The following ZNF469 variants were observed in gnomAD, a reference collection of about 807,000 sequenced individuals.
ZNF469 encodes the protein zinc finger protein 469.
In ZNF469, 1 loss-of-function variant was observed where a neutral mutation model predicts 1.0. The ratio of observed to expected loss-of-function variants is 1.00; its 90% CI spans 0.35 to 4.73. The LOEUF (loss-of-function observed/expected upper bound fraction) is 4.73, where lower values mean the gene tolerates loss of function less well. Among genes scored for constraint, ZNF469 ranks in the 30% most tolerant of loss-of-function variants. The pLI, the probability that ZNF469 is intolerant of heterozygous loss-of-function variation, is 0.16. For missense variants in ZNF469, 6,100 were observed against 5,356.3 expected, an observed-to-expected ratio of 1.14 and a Z score of -4.33; for synonymous variants, 2,703 against 2,363.4, an observed-to-expected ratio of 1.14 and a Z score of -4.17.
In ZNF469 at chr16:88,438,246, G is replaced by C; in HGVS notation, c.10776G>C (p.Gln3592His). Reference protein sequence around the residue: ...ASPGSPGPLLQQALPLGASLP... With the variant: ...ASPGSPGPLLHQALPLGASLP... Reference sequence around the variant, plus strand: ...CAGGCAGCCCCGGGCCTCTTCTCCAGCAAGCTCTCCCTCTGGGGGCATCTC... The same window carrying C: ...CAGGCAGCCCCGGGCCTCTTCTCCACCAAGCTCTCCCTCTGGGGGCATCTC... Residue 3592 changes from glutamine (Q) to histidine (H), a missense_variant, in exon 3 of 3, where the codon CAG (glutamine) becomes CAC (histidine). Physicochemically the swap from Gln to His is conservative, Grantham distance 24. Coordinates refer to ENST00000565624, the MANE Select transcript of ZNF469 (RefSeq NM_001367624.2). 1 of 1,547,718 alleles carries C rather than the reference G, an allele frequency of 6.5e-7. No homozygotes were observed.
chr16:88,303,899 G>T, the ZNF469 span, among the ~76,000 whole-genome samples: 2 of 152,154 alleles, frequency 1.3e-5, no homozygotes, highest in African/African-American at 4.8e-5. Context: ...CACACACTCA[G>T]TGCCACTCAC....
intron 1 of ZNF469, among the ~76,000 whole-genome samples, chr16:88,399,082 G>A (rs760896126): frequency 1.3e-5 from 2 of 152,246 alleles, no homozygotes; most frequent in African/African-American, 2.4e-5. Flanking sequence ...CCCCTGTTCC[G>A]AGAGTATGAT....
the ZNF469 span, among the ~76,000 whole-genome samples, chr16:88,371,971 ACCACCATCATCACCATCAC>A: frequency 7.4e-6 from 1 of 134,568 alleles, no homozygotes; most frequent in African/African-American, 2.9e-5. Flanking sequence ...CATCACCATC[ACCACCATCATCACCATCAC>A]CATCACCATC....
chr16:88,232,860 C>T, the ZNF469 span, among the ~76,000 whole-genome samples: 1 of 152,252 alleles, frequency 6.6e-6, no homozygotes, highest in Non-Finnish European at 1.5e-5. Flanking sequence ...GGGTTCTGGG[C>T]ACGTCGCATA....
chr16:88,116,379 C>A, the ZNF469 span, among the ~76,000 whole-genome samples: 1 of 152,214 alleles, frequency 6.6e-6, no homozygotes, highest in African/African-American at 2.4e-5. Flanking sequence ...GCAGTGTAGA[C>A]ACAGGACCTG....
At chr16:88,419,939 G>A (rs1048421838) in intron 1 of ZNF469, among the ~76,000 whole-genome samples, 2 of 152,258 alleles carry the variant, frequency 1.3e-5, no homozygotes, top group Admixed American at 6.5e-5. Flanking sequence ...GAGAGGGGTG[G>A]AGGCCGGCCT....
chr16:88,426,420 A>G (rs1404266149), intron 2 of ZNF469, among the ~76,000 whole-genome samples: 2 of 152,272 alleles, frequency 1.3e-5, no homozygotes, highest in Non-Finnish European at 2.9e-5. Flanking sequence ...GCCACAGCCA[A>G]TGGCTCGGGT....
At chr16:88,190,549 G>T in the ZNF469 span, among the ~76,000 whole-genome samples, 1 of 152,180 alleles carries the variant, frequency 6.6e-6, no homozygotes, top group East Asian at 1.9e-4. Flanking sequence ...ACACAGCCAC[G>T]TCCTCACAAT....
intron 1 of ZNF469, among the ~76,000 whole-genome samples, chr16:88,415,893 G>A (rs1905289524): frequency 6.6e-6 from 1 of 152,234 alleles, no homozygotes; most frequent in East Asian, 1.9e-4. Context: ...TCCTCAAGCT[G>A]GGGCGGCAGG....
chr16:88,394,447 G>T (rs921216663), intron 1 of ZNF469, among the ~76,000 whole-genome samples: 1 of 152,232 alleles, frequency 6.6e-6, no homozygotes, highest in African/African-American at 2.4e-5. Context: ...GTTAACATGT[G>T]GTCTGGATTT....
the ZNF469 span, among the ~76,000 whole-genome samples, chr16:88,126,277 C>T: frequency 1.2e-4 from 18 of 146,702 alleles, no homozygotes; most frequent in South Asian, 2.2e-3. Context: ...ATTTCTTCCT[C>T]TCCTGCATGC....
the ZNF469 span, among the ~76,000 whole-genome samples, chr16:88,331,966 C>T: frequency 6.6e-6 from 1 of 152,212 alleles, no homozygotes; most frequent in Non-Finnish European, 1.5e-5. Flanking sequence ...GAAGGCCTGG[C>T]ATGGCAGTGA....
At chr16:88,185,763 G>GACAT in the ZNF469 span, among the ~76,000 whole-genome samples, 2,638 of 146,572 alleles carry the variant, frequency 0.018, 57 homozygotes, top group Non-Finnish European at 0.03. Context: ...CAGACCCACA[G>GACAT]ACACATTCGC....
chr16:88,256,476 C>A, the ZNF469 span, among the ~76,000 whole-genome samples: 6 of 152,266 alleles, frequency 3.9e-5, no homozygotes, highest in East Asian at 1.2e-3. Context: ...TTGGGTGCTC[C>A]CACATTTTGG....
chr16:88,357,927 C>T, the ZNF469 span, among the ~76,000 whole-genome samples: 88 of 152,340 alleles, frequency 5.8e-4, no homozygotes, highest in East Asian at 0.014. Context: ...CTTCTGCAGG[C>T]GCCTTCCACA....
At chr16:88,157,789 G>A in the ZNF469 span, among the ~76,000 whole-genome samples, 1 of 152,016 alleles carries the variant, frequency 6.6e-6, no homozygotes, top group African/African-American at 2.4e-5. Context: ...GGGGCTCCCT[G>A]TGTGTCATTG....
chr16:88,195,660 A>G, the ZNF469 span, among the ~76,000 whole-genome samples: 36 of 152,238 alleles, frequency 2.4e-4, no homozygotes, highest in Non-Finnish European at 4.9e-4. Context: ...GGCCCAGCTA[A>G]CAATGGCAGA....
chr16:88,198,170 G>A, the ZNF469 span, among the ~76,000 whole-genome samples: 1 of 152,226 alleles, frequency 6.6e-6, no homozygotes, highest in Non-Finnish European at 1.5e-5. Context: ...CCATCATGGA[G>A]CCTGCATTGC....
the ZNF469 span, among the ~76,000 whole-genome samples, chr16:88,268,448 C>T: frequency 3.9e-3 from 592 of 152,330 alleles, 1 homozygote; most frequent in Non-Finnish European, 6.2e-3. Flanking sequence ...CAACTGAGAC[C>T]GTTTCTCAGA....
Sources: allele counts gnomAD v4.1 joint callset (sites outside exome capture counted in the v4.1 genomes callset), GRCh38; gene constraint gnomAD v4.1.1; transcripts MANE v1.5; gene names NCBI Gene and HGNC (gene_info 2026-07-23, HGNC 2026-07-21).